The following ZMYM2 variants were observed in gnomAD, a reference collection of about 807,000 sequenced individuals.
ZMYM2 encodes the protein zinc finger MYM-type protein 2.
A neutral mutation model predicts 162.8 loss-of-function variants in ZMYM2; 56 were observed. The observed-to-expected ratio is 0.34, with a 90% CI of 0.28 to 0.43. The LOEUF (loss-of-function observed/expected upper bound fraction) is 0.43, where lower values mean the gene tolerates loss of function less well. Ranked by LOEUF, ZMYM2 falls within the 20% of genes least tolerant of loss-of-function variation. The pLI, the probability that ZMYM2 is intolerant of heterozygous loss-of-function variation, is 1.00. For missense variants in ZMYM2, 1,275 were observed against 1,621.8 expected (o/e 0.79, Z 3.67); for synonymous variants, 510 against 541.6 (o/e 0.94, Z 0.81).
At chr13:19,996,086 C>G (rs78765445) in intron 3 of ZMYM2, among the ~76,000 whole-genome samples, 12 of 142,632 alleles carry the variant, frequency 8.4e-5, no homozygotes, top group African/African-American at 3.1e-4. Flanking sequence ...GTGTGTGTGT[C>G]TATCGGCGTT....
intron 6 of ZMYM2, among the ~76,000 whole-genome samples, chr13:20,012,970 T>C (rs947070021): frequency 6.6e-6 from 1 of 152,228 alleles, no homozygotes; most frequent in Non-Finnish European, 1.5e-5. Flanking sequence ...ATTTGAAGAT[T>C]GGCTTTTCTA....
chr13:20,045,786 T>G (rs2140480834), intron 12 of ZMYM2, among the ~76,000 whole-genome samples: 1 of 152,328 alleles, frequency 6.6e-6, no homozygotes, highest in South Asian at 2.1e-4. Flanking sequence ...CCTGTTGTTT[T>G]ACTGTACAAA....
the ZMYM2 span, among the ~76,000 whole-genome samples, chr13:19,890,558 A>G: frequency 1.3e-5 from 2 of 149,676 alleles, no homozygotes; most frequent in Admixed American, 1.3e-4. Flanking sequence ...TAATTGGGGA[A>G]CGATTAGATT....
chr13:19,996,005 C>T (rs757898616), intron 3 of ZMYM2, among the ~76,000 whole-genome samples: 1 of 151,710 alleles, frequency 6.6e-6, no homozygotes, highest in African/African-American at 2.4e-5. Flanking sequence ...ACAAAACAAA[C>T]TCTGTGACTT....
upstream of ZMYM2, among the ~76,000 whole-genome samples, chr13:19,957,797 G>C (rs1954645896): frequency 6.6e-6 from 1 of 152,212 alleles, no homozygotes; most frequent in Non-Finnish European, 1.5e-5. Context: ...CCAACCGGTG[G>C]GAGCCCAGCT....
the ZMYM2 span, among the ~76,000 whole-genome samples, chr13:19,881,465 T>TA: frequency 6.6e-6 from 1 of 150,870 alleles, no homozygotes; most frequent in Non-Finnish European, 1.5e-5. Context: ...CTATCAAAAA[T>TA]AAAAAAATTA....
intron 17 of ZMYM2, among the ~76,000 whole-genome samples, chr13:20,062,288 A>G (rs1956290601): frequency 6.6e-6 from 1 of 152,188 alleles, no homozygotes; most frequent in African/African-American, 2.4e-5. Flanking sequence ...AAGGGTAAGT[A>G]TTATTTTGTG....
At chr13:20,066,022 A>T (rs772450210) in intron 19 of ZMYM2, among the ~76,000 whole-genome samples, 6 of 152,080 alleles carry the variant, frequency 3.9e-5, no homozygotes, top group Non-Finnish European at 5.9e-5. Context: ...ATCATTGGTG[A>T]CTCTCACCAC....
chr13:19,927,640 ATG>A, the ZMYM2 span, among the ~76,000 whole-genome samples: 1 of 152,118 alleles, frequency 6.6e-6, no homozygotes, highest in Non-Finnish European at 1.5e-5. Flanking sequence ...TCATAAATGC[ATG>A]TGTTTCTCAA....
chr13:20,023,632 C>T lies in ZMYM2; in HGVS notation c.1585-2980C>T, dbSNP rs74035478. Among the ~76,000 whole-genome samples the T allele has an allele frequency of 6.4e-3, 970 of 152,140 alleles. 17 individuals are homozygous for T. Among genetic ancestry groups the T allele is most frequent in the African/African-American group, 0.022 (905 of 41,490 alleles). The stretch of plus-strand genomic sequence containing the variant: ...CTCATTCTTTTTCACTGAAATTATA[C>T]GTAGGCTTATTTTTCCCCATGCCCA... On this transcript the variant is annotated intron_variant, in intron 7 of 24. Transcript: ENST00000610343.
In ZMYM2 at chr13:20,085,827, A is replaced by C; in HGVS notation, c.3947A>C (p.Gln1316Pro). Residue 1316 changes from glutamine (Q) to proline (P), a missense_variant, in exon 25 of 25, where the codon CAG becomes CCG. Gln to Pro is a moderately conservative substitution (Grantham distance 76, BLOSUM62 -1). Transcript: ENST00000610343. ...TTTTCCTCCCGCCTCCAAAGTCCAC[A>C]GAATCTTAATCAGAGGATGGATGTT... ...MFECYLSKSP[Q>P]NLNQRMDVFY... The C allele has an allele frequency of 6.3e-7, 1 of 1,594,604 alleles. No homozygotes were observed. Among genetic ancestry groups the C allele is most frequent in the Non-Finnish European group, 8.5e-7 (1 of 1,171,006 alleles).
At chr13:19,902,372 T>C in the ZMYM2 span, among the ~76,000 whole-genome samples, 1 of 152,172 alleles carries the variant, frequency 6.6e-6, no homozygotes. Context: ...ATCCCAGCAC[T>C]TTGGGAGGCC....
At chr13:19,951,253 T>C in the ZMYM2 span, among the ~76,000 whole-genome samples, 1 of 152,052 alleles carries the variant, frequency 6.6e-6, no homozygotes, top group Admixed American at 6.6e-5. Context: ...AAAGCTTCTG[T>C]ATCGTAAAGG....
the ZMYM2 span, among the ~76,000 whole-genome samples, chr13:19,915,884 G>A: frequency 1.0e-3 from 156 of 149,600 alleles, 1 homozygote; most frequent in Non-Finnish European, 2.0e-3. Context: ...TTTTGAGGTG[G>A]AGTCTCACTC....
At chr13:19,906,179 G>T in the ZMYM2 span, among the ~76,000 whole-genome samples, 3 of 150,996 alleles carry the variant, frequency 2.0e-5, no homozygotes, top group African/African-American at 7.3e-5. Context: ...GGAGGCTGAG[G>T]CAGGAGAATC....
chr13:19,870,012 G>C, the ZMYM2 span, among the ~76,000 whole-genome samples: 2 of 152,166 alleles, frequency 1.3e-5, no homozygotes, highest in Non-Finnish European at 2.9e-5. Context: ...TCTCTCATGA[G>C]GTTGCAGTCC....
At chr13:19,975,674 G>T (rs1384068260) in intron 2 of ZMYM2, among the ~76,000 whole-genome samples, 1 of 151,970 alleles carries the variant, frequency 6.6e-6, no homozygotes, top group Admixed American at 6.6e-5. Context: ...AGTTATTTTG[G>T]GTTTATATCT....
At chr13:20,049,412 C>G (rs1955111351) in intron 12 of ZMYM2, among the ~76,000 whole-genome samples, 1 of 151,838 alleles carries the variant, frequency 6.6e-6, no homozygotes, top group African/African-American at 2.4e-5. Context: ...ATTTTATGCC[C>G]TTGATCTTCC....
Position 20,058,559 on chromosome 13 carries a change from C to G in ZMYM2, c.2494-16C>G, listed in dbSNP as rs1211262899. On this transcript the variant is annotated splice_polypyrimidine_tract_variant and intron_variant, in intron 14 of 24. Coordinates refer to ENST00000610343, the MANE Select transcript of ZMYM2 (RefSeq NM_197968.4). The stretch of plus-strand genomic sequence containing the variant: ...TAGACATAAAAATAAAAATGTTTCT[C>G]TTTGCTTCTCCATAGGGTTCAGCAC... 1 of 1,600,890 alleles carries G rather than the reference C, an allele frequency of 6.2e-7. No homozygotes were observed. Among genetic ancestry groups the G allele is most frequent in the South Asian group, 1.1e-5 (1 of 89,830 alleles).
Sources: gnomAD v4.1 joint callset for allele counts (sites outside exome capture counted in the v4.1 genomes callset) on GRCh38, gnomAD v4.1.1 for gene constraint, MANE v1.5 for transcripts, NCBI Gene and HGNC (gene_info 2026-07-23, HGNC 2026-07-21) for gene names.